Variants in ACAN observed in about 807,000 individuals in gnomAD.
The protein encoded by ACAN is aggrecan core protein.
In ACAN, 47 loss-of-function variants were observed where a neutral mutation model predicts 169.1. The ratio of observed to expected loss-of-function variants is 0.28; its 90% CI spans 0.22 to 0.35. The LOEUF (loss-of-function observed/expected upper bound fraction) is 0.35. Among genes scored for constraint, ACAN ranks in the 10% least tolerant of loss-of-function variants. The pLI is 1.00. For synonymous variants in ACAN, 1,115 were observed against 1,112.2 expected (o/e 1.00, Z -0.05); for missense variants, 2,716 against 2,759.9 (o/e 0.98, Z 0.36).
intron 4 of ACAN, among the ~76,000 whole-genome samples, chr15:88,841,030 A>G (rs756866314): frequency 5.9e-5 from 9 of 152,350 alleles, no homozygotes; most frequent in Non-Finnish European, 1.2e-4. Context: ...CTGTAGTCCC[A>G]GCTACTCGGG....
intron 1 of ACAN, among the ~76,000 whole-genome samples, chr15:88,834,648 C>T (rs869429): frequency 0.039 from 5,903 of 152,318 alleles, 373 homozygotes; most frequent in African/African-American, 0.13. Flanking sequence ...GCAAGCACTT[C>T]TTAAACCAAA....
intron 1 of ACAN, among the ~76,000 whole-genome samples, chr15:88,824,881 G>T (rs1013490404): frequency 1.3e-5 from 2 of 148,386 alleles, no homozygotes; most frequent in Non-Finnish European, 1.5e-5. Context: ...GACAGAGCGA[G>T]ACTCTGTCAA....
intron 1 of ACAN, among the ~76,000 whole-genome samples, chr15:88,825,731 T>G (rs1896198882): frequency 6.6e-6 from 1 of 152,050 alleles, no homozygotes. Flanking sequence ...AGGGGAGAGA[T>G]TGATGTCATC....
chr15:88,849,933 C>T lies in ACAN; in HGVS notation c.2026+202C>T, dbSNP rs146107952. 1,951 of 738,316 alleles carry T rather than the reference C, an allele frequency of 2.6e-3. 23 individuals are homozygous for T. The highest frequency in any genetic ancestry group is 0.016 in the Admixed American group (731 of 46,766). 45.7% of individuals were successfully genotyped at this position (738,316 alleles called of 1,614,324 possible). ...TCATCCTTCTAAAGTTCCCCAGAGA[C>T]AAGTAGAGATAAATAAGAACTTGAG... On this transcript the variant is annotated intron_variant, in intron 10 of 18. Transcript: ENST00000560601. The surrounding 1 kb of genome is among the most constrained non-coding windows in gnomAD (Gnocchi z 5.1).
chr15:88,851,157 GCA>G lies in ACAN; in HGVS notation c.2027-634_2027-633del, dbSNP rs1896921513. On this transcript the variant is annotated intron_variant, in intron 10 of 18. Transcript: ENST00000560601. This position sits in a 1 kb window ranked among gnomAD's most constrained non-coding sequence, Gnocchi z 4.3. ...TGAACTCAGCCTTGTGTATTATCCT[GCA>G]CAGTTCAGCTTCCTTGCTGACCAAG... The G allele has an allele frequency of 6.5e-6, 1 of 153,310 alleles. No homozygotes were observed. The highest frequency in any genetic ancestry group is 2.4e-5 in the African/African-American group (1 of 41,314). 9.5% of individuals were successfully genotyped at this position (153,310 alleles called of 1,614,324 possible). A position where few individuals can be genotyped will look rare whatever the true frequency, so the allele number is the denominator to read the frequency against.
chr15:88,841,749 C>G lies in ACAN; in HGVS notation c.639C>G (p.Ile213Met), dbSNP rs1896666929. The G allele has an allele frequency of 6.2e-7, 1 of 1,613,884 alleles. No homozygotes were observed. Among genetic ancestry groups the G allele is most frequent in the Non-Finnish European group, 8.5e-7 (1 of 1,179,862 alleles). ...WLADQTVRYP[I>M]HTPREGCYGD... ...TTCGGGTTCCTGGCAGATACCCCAT[C>G]CACACTCCCCGGGAAGGCTGCTATG... is the stretch of plus-strand genomic sequence containing the variant. The change falls in exon 5 of 19, where the codon ATC (isoleucine) becomes ATG (methionine). Residue 213 changes from isoleucine to methionine, a missense_variant. Coordinates refer to ENST00000560601, the MANE Select transcript of ACAN (RefSeq NM_001369268.1).
chr15:88,847,099 C>A, intron 7 of ACAN, 144 bp from the exon 8 acceptor site: 2 of 927,244 alleles, frequency 2.2e-6, no homozygotes, highest in Non-Finnish European at 3.1e-6. Flanking sequence ...ACCCACGTGG[C>A]TACCAAGTGG....
intron 1 of ACAN, among the ~76,000 whole-genome samples, chr15:88,825,029 T>C (rs1896177826): frequency 6.6e-6 from 1 of 152,132 alleles, no homozygotes; most frequent in Non-Finnish European, 1.5e-5. Flanking sequence ...CAGAAGTGTG[T>C]GCTGGAAGAA....
In ACAN at chr15:88,836,239, G is replaced by A; in HGVS notation, c.33G>A (p.Leu11=). 1 of 1,613,898 alleles carries A rather than the reference G, an allele frequency of 6.2e-7. No homozygotes were observed. Among genetic ancestry groups the A allele is most frequent in the Non-Finnish European group, 8.5e-7 (1 of 1,179,870 alleles). Residue 11 remains leucine, a synonymous_variant, in exon 2 of 19, where the codon CTG becomes CTA. Coordinates refer to ENST00000560601, the MANE Select transcript of ACAN (RefSeq NM_001369268.1). MTTLLWVFVT[L]RVITAAVTVE... ...CTTTACTCTGGGTTTTCGTGACTCT[G>A]AGGGTCATCACTGCAGCTGTCACTG...
chr15:88,815,707 G>C (rs1450578990), intron 1 of ACAN, among the ~76,000 whole-genome samples: 1 of 137,082 alleles, frequency 7.3e-6, no homozygotes, highest in Admixed American at 7.5e-5. Flanking sequence ...TCAGACATAG[G>C]AAATAGTTTT....
rs1430211479 is a variant in ACAN, at chr15:88,823,991, T to A, written c.-7-12209T>A. On this transcript the variant is annotated intron_variant, in intron 1 of 18. Coordinates refer to ENST00000560601, the MANE Select transcript of ACAN (RefSeq NM_001369268.1). ...TTCTAAGGCTGAGGCAGGAAGACTG[T>A]GAGATCAGGTGACACTCAACAGTTA... Among the ~76,000 whole-genome samples, 6 of 152,028 alleles carry A rather than the reference T, an allele frequency of 3.9e-5. No individual in the cohort carries two copies. In the East Asian group the frequency reaches 1.2e-3, roughly 29 times the overall value.
intron 1 of ACAN, among the ~76,000 whole-genome samples, chr15:88,827,232 G>A (rs1377093221): frequency 1.3e-5 from 2 of 152,134 alleles, no homozygotes; most frequent in African/African-American, 4.8e-5. Context: ...AAGCCGTGGA[G>A]ACGGCAGTGG....
chr15:88,836,338 T>C, intron 2 of ACAN, 62 bp downstream of exon 2: 1 of 1,410,298 alleles, frequency 7.1e-7, no homozygotes, highest in Non-Finnish European at 1.0e-6. Flanking sequence ...GTTTGAGTAC[T>C]GGGTACTGAA....
chr15:88,835,422 C>T (rs760670972), intron 1 of ACAN, among the ~76,000 whole-genome samples: 6 of 151,934 alleles, frequency 3.9e-5, no homozygotes, highest in South Asian at 2.1e-4. Flanking sequence ...CACACACACA[C>T]GAGAGACAGA....
chr15:88,850,216 C>T (rs1431392453), intron 10 of ACAN: 1 of 227,368 alleles, frequency 4.4e-6, no homozygotes, highest in Non-Finnish European at 8.5e-6. Flanking sequence ...GTAATTTGTA[C>T]ACTCTTGTCA....
chr15:88,821,885 A>G (rs79111031), intron 1 of ACAN, among the ~76,000 whole-genome samples: 2,425 of 152,332 alleles, frequency 0.016, 64 homozygotes, highest in African/African-American at 0.055. Flanking sequence ...GGTTTATTAC[A>G]GCAAAAGGAT....
At chr15:88,847,475 C>G (rs1283870396) in intron 8 of ACAN, 58 bp downstream of exon 8, 25 of 1,470,422 alleles carry the variant, frequency 1.7e-5, no homozygotes, top group Non-Finnish European at 2.3e-5. Flanking sequence ...GCTTAAGGAG[C>G]CACAGCCTGA....
At chr15:88,841,980 C>A in intron 5 of ACAN, 113 bp downstream of exon 5, 1 of 1,398,218 alleles carries the variant, frequency 7.2e-7, no homozygotes, top group Non-Finnish European at 9.9e-7. Context: ...CAGGGCCTGA[C>A]ACACTCTGTC....
chr15:88,804,126 A>G (rs1052464472), intron 1 of ACAN, among the ~76,000 whole-genome samples: 1 of 152,172 alleles, frequency 6.6e-6, no homozygotes, highest in African/African-American at 2.4e-5. Context: ...TAGGGTCTGG[A>G]AAGACCCATG....
Sources: gnomAD v4.1 joint callset for allele counts (sites outside exome capture counted in the v4.1 genomes callset) on GRCh38, gnomAD v4.1.1 for gene constraint, Gnocchi (gnomAD v3.1) non-coding constraint, MANE v1.5 for transcripts, NCBI Gene and HGNC (gene_info 2026-07-23, HGNC 2026-07-21) for gene names.